Variants in UGT1A9 observed in about 807,000 individuals in gnomAD.
UGT1A9 encodes UDP glucuronosyltransferase family 1 member A9, also known as UDP-glucuronosyltransferase 1A9.
Under a neutral mutation model 45.0 loss-of-function variants are expected in UGT1A9, and 35 were observed. The ratio of observed to expected loss-of-function variants is 0.78; its 90% CI spans 0.59 to 1.03. The LOEUF (loss-of-function observed/expected upper bound fraction) is 1.03. UGT1A9 is among the 50% of genes least tolerant of loss of function. UGT1A9 has a pLI of 0.00. For synonymous variants in UGT1A9, 278 were observed against 250.6 expected, an observed-to-expected ratio of 1.11 and a Z score of -1.03; for missense variants, 687 against 666.6, an observed-to-expected ratio of 1.03 and a Z score of -0.34.
chr2:233,679,490 C>T (rs1407280819), intron 1 of UGT1A9, among the ~76,000 whole-genome samples: 1 of 152,162 alleles, frequency 6.6e-6, no homozygotes, highest in Non-Finnish European at 1.5e-5. Context: ...TCCCTTCCTG[C>T]CTTACATTCT....
Position 233,696,065 on chromosome 2 carries a change from A to G in UGT1A9, c.855+23276A>G, listed in dbSNP as rs189342937. Among the ~76,000 whole-genome samples the G allele has an allele frequency of 2.0e-5, 3 of 152,352 alleles. No individual in the cohort carries two copies. The East Asian group carries it at 5.8e-4, about 29-fold the overall frequency. On this transcript the variant is annotated intron_variant, in intron 1 of 4. Coordinates refer to ENST00000354728, the MANE Select transcript of UGT1A9 (RefSeq NM_021027.3). ...TTGAAGAATGTAAATTAGTACAGCC[A>G]CTATGAAGAACAGTATGGAGAGTCT...
At chr2:233,719,441 C>T (rs2076766759) in intron 1 of UGT1A9, 2 of 1,613,982 alleles carry the variant, frequency 1.2e-6, no homozygotes, top group Non-Finnish European at 1.7e-6. Flanking sequence ...ACATGACATT[C>T]CTGCAAAGGG....
At chr2:233,747,450 T>G in intron 1 of UGT1A9, 1 of 1,609,050 alleles carries the variant, frequency 6.2e-7, no homozygotes, top group South Asian at 1.1e-5. Context: ...CCTGACAACC[T>G]ATGCCATTTC....
At chr2:233,747,007 G>C (rs1207556963) in intron 1 of UGT1A9, among the ~76,000 whole-genome samples, 1 of 151,856 alleles carries the variant, frequency 6.6e-6, no homozygotes, top group South Asian at 2.1e-4. Context: ...TTTCAAGTAG[G>C]AGTGATCGGT....
chr2:233,695,021 G>T (rs1263498020), intron 1 of UGT1A9, among the ~76,000 whole-genome samples: 2 of 152,084 alleles, frequency 1.3e-5, no homozygotes, highest in South Asian at 2.1e-4. Flanking sequence ...ATTTTGAACT[G>T]CAGTATACAT....
intron 1 of UGT1A9, chr2:233,760,942 C>T: frequency 6.2e-7 from 1 of 1,614,210 alleles, no homozygotes. Flanking sequence ...TGCCTTTTCA[C>T]AGAACTTTCT....
intron 1 of UGT1A9, chr2:233,743,075 T>C (rs1282774388): frequency 2.9e-6 from 1 of 344,366 alleles, no homozygotes; most frequent in Non-Finnish European, 5.7e-6. Context: ...GGTGTTGGCA[T>C]GAAGTGTTTA....
chr2:233,750,771 C>T (rs2125907104), intron 1 of UGT1A9: 1 of 151,994 alleles, frequency 6.6e-6, no homozygotes, highest in East Asian at 1.9e-4. Context: ...TGGTGTTGGG[C>T]CTGTGGGTAC....
In UGT1A9 at chr2:233,726,943, A is replaced by T. The variant is rs548004940; in HGVS notation, c.856-40091A>T. On this transcript the variant is annotated intron_variant, in intron 1 of 4. Coordinates refer to ENST00000354728, the MANE Select transcript of UGT1A9 (RefSeq NM_021027.3). Reference sequence around the variant, plus strand: ...GATCTTCCTTTTTTCATTTTTAAAAAACAATACCTTTCAAAGAGCAAAAGT... The same window carrying T: ...GATCTTCCTTTTTTCATTTTTAAAATACAATACCTTTCAAAGAGCAAAAGT... Among the ~76,000 whole-genome samples the T allele has an allele frequency of 5.9e-5, 9 of 152,338 alleles. No individual in the cohort carries two copies. The South Asian group carries it at 1.9e-3, about 32-fold the overall frequency.
chr2:233,766,982 T>C (rs1699301954), intron 1 of UGT1A9, 52 bp from the exon 2 acceptor site: 9 of 1,612,798 alleles, frequency 5.6e-6, no homozygotes, highest in Non-Finnish European at 7.6e-6. Context: ...CTGTATGTAG[T>C]CATCAAAGAA....
At position 233,713,135 on chromosome 2, in the gene UGT1A9, G is replaced by T. The variant is rs772419709; in HGVS notation, c.855+40346G>T. Reference sequence around the variant, plus strand: ...ACTGGCTCAGCATGCGGGAGGCCTTGCGGGACCTCCATGCGAGAGGCCACC... The same window carrying T: ...ACTGGCTCAGCATGCGGGAGGCCTTTCGGGACCTCCATGCGAGAGGCCACC... On this transcript the variant is annotated intron_variant, in intron 1 of 4. Transcript: ENST00000354728. 3 of 1,614,216 alleles carry T rather than the reference G, an allele frequency of 1.9e-6. No homozygotes were observed. In the South Asian group the frequency reaches 3.3e-5, roughly 18 times the overall value.
intron 1 of UGT1A9, among the ~76,000 whole-genome samples, chr2:233,711,847 GC>G: frequency 6.6e-6 from 1 of 152,180 alleles, no homozygotes; most frequent in Non-Finnish European, 1.5e-5. Context: ...CAGCAATCTT[GC>G]CAAGCACAAG....
At chr2:233,750,355 T>C (rs1376976328) in intron 1 of UGT1A9, among the ~76,000 whole-genome samples, 7 of 151,880 alleles carry the variant, frequency 4.6e-5, no homozygotes, top group African/African-American at 1.5e-4. Context: ...TTGGAACTTA[T>C]GTTTAAAAGG....
intron 1 of UGT1A9, among the ~76,000 whole-genome samples, chr2:233,701,346 A>C (rs148707887): frequency 6.6e-6 from 1 of 151,970 alleles, no homozygotes; most frequent in Non-Finnish European, 1.5e-5. Context: ...ACAGTGTAAA[A>C]GTTCTTAGAG....
rs1239594110 is a variant in UGT1A9, at chr2:233,672,846, G to C, written c.855+57G>C. 1.6e-5 allele frequency: 24 copies of C among 1,546,282 alleles called. No individual in the cohort carries two copies. In the South Asian group the frequency reaches 1.9e-4, roughly 12 times the overall value. On this transcript the variant is annotated intron_variant, in intron 1 of 4. Coordinates refer to ENST00000354728, the MANE Select transcript of UGT1A9 (RefSeq NM_021027.3). ...TACTTCACCTTTGGAAATTAAAAAA[G>C]GATTCTTTACTGAACTGTGATTTGA...
intron 1 of UGT1A9, chr2:233,755,113 A>G (rs1695768898): frequency 4.5e-6 from 6 of 1,332,422 alleles, no homozygotes; most frequent in Non-Finnish European, 6.1e-6. Flanking sequence ...AACACCTCGT[A>G]GGCCTCAGCC....
At chr2:233,736,409 A>C (rs752558952) in intron 1 of UGT1A9, among the ~76,000 whole-genome samples, 1 of 152,180 alleles carries the variant, frequency 6.6e-6, no homozygotes, top group Non-Finnish European at 1.5e-5. Context: ...TTAGGCATTC[A>C]TCTAACCTTT....
At chr2:233,719,184 T>C in intron 1 of UGT1A9, 1 of 1,614,254 alleles carries the variant, frequency 6.2e-7, no homozygotes, top group Non-Finnish European at 8.5e-7. Flanking sequence ...CAATGTATCT[T>C]TGGCCCTTCA....
At chr2:233,737,210 G>A (rs2078852956) in intron 1 of UGT1A9, among the ~76,000 whole-genome samples, 1 of 152,244 alleles carries the variant, frequency 6.6e-6, no homozygotes, top group South Asian at 2.1e-4. Context: ...GGTGGACTCT[G>A]TTCAGTTCCA....
Sources: allele counts gnomAD v4.1 joint callset (sites outside exome capture counted in the v4.1 genomes callset), GRCh38; gene constraint gnomAD v4.1.1; transcripts MANE v1.5; gene names NCBI Gene and HGNC (gene_info 2026-07-23, HGNC 2026-07-21).